SLC25A26: variants seen among roughly 807,000 people sequenced by gnomAD.
The protein encoded by SLC25A26 is mitochondrial S-adenosylmethionine carrier protein.
In SLC25A26, 36 loss-of-function variants were observed where a neutral mutation model predicts 37.8. That is an observed-to-expected ratio of 0.95 (90% confidence interval 0.73 to 1.26). The LOEUF is 1.26. Ranked by LOEUF, SLC25A26 falls within the 50% of genes most tolerant of loss-of-function variation. The probability of loss-of-function intolerance (pLI) is 0.00; values close to 1 mark genes in which losing one functional copy is unlikely to be tolerated. For synonymous variants in SLC25A26, 129 were observed against 122.5 expected (o/e 1.05, Z -0.35); for missense variants, 390 against 331.1 (o/e 1.18, Z -1.38).
At chr3:66,187,937 C>A (rs1356892784) in intron 1 of SLC25A26, among the ~76,000 whole-genome samples, 1 of 152,094 alleles carries the variant, frequency 6.6e-6, no homozygotes, top group Non-Finnish European at 1.5e-5. Flanking sequence ...TTTATTCTCA[C>A]CCTGAACCTA....
At chr3:66,327,117 C>A (rs1448484108) in intron 5 of SLC25A26, among the ~76,000 whole-genome samples, 1 of 152,212 alleles carries the variant, frequency 6.6e-6, no homozygotes, top group Non-Finnish European at 1.5e-5. Flanking sequence ...TTCAGCTGAG[C>A]ATTGGCAACA....
In SLC25A26 at chr3:66,278,122, G is replaced by A. The variant is rs552861617; in HGVS notation, c.453+14743G>A. The stretch of plus-strand genomic sequence containing the variant: ...GGTAGCTGGTTTTGATAAGTGTACT[G>A]TAGTTAATTTATTAACATTAGAGAA... On this transcript the variant is annotated intron_variant, in intron 5 of 9. Coordinates refer to ENST00000354883, the MANE Select transcript of SLC25A26 (RefSeq NM_001379210.1). Among the ~76,000 whole-genome samples the A allele has an allele frequency of 5.9e-5, 9 of 152,196 alleles. No individual in the cohort carries two copies. In the East Asian group the frequency reaches 1.5e-3, roughly 26 times the overall value.
chr3:66,236,918 C>T (rs1206635798), intron 2 of SLC25A26, among the ~76,000 whole-genome samples: 1 of 152,186 alleles, frequency 6.6e-6, no homozygotes, highest in Non-Finnish European at 1.5e-5. Context: ...CTAACTGCAA[C>T]CTTGACCTCC....
intron 5 of SLC25A26, among the ~76,000 whole-genome samples, chr3:66,276,919 C>G (rs1322558053): frequency 1.1e-4 from 17 of 148,048 alleles, no homozygotes; most frequent in Admixed American, 2.7e-4. Context: ...TGGCAAAAAC[C>G]TCAGCATGAA....
chr3:66,342,334 G>A (rs1167504749), intron 5 of SLC25A26, among the ~76,000 whole-genome samples: 2 of 151,844 alleles, frequency 1.3e-5, no homozygotes, highest in African/African-American at 4.8e-5. Flanking sequence ...GCCTTTCTTG[G>A]TCCTTAGGCT....
chr3:66,183,237 C>A (rs2070750994), intron 1 of SLC25A26, among the ~76,000 whole-genome samples: 1 of 151,882 alleles, frequency 6.6e-6, no homozygotes, highest in South Asian at 2.1e-4. Context: ...ATAGCCTCAG[C>A]CTGGCCTGCC....
At chr3:66,351,157 G>T (rs556212033) in intron 6 of SLC25A26, among the ~76,000 whole-genome samples, 1 of 152,256 alleles carries the variant, frequency 6.6e-6, no homozygotes, top group East Asian at 1.9e-4. Context: ...CCCTTGAGGA[G>T]CTGAGAGTCC....
At chr3:66,294,096 T>C (rs532445324) in intron 5 of SLC25A26, among the ~76,000 whole-genome samples, 29 of 152,252 alleles carry the variant, frequency 1.9e-4, no homozygotes, top group African/African-American at 6.5e-4. Context: ...GTTGAATCTA[T>C]TATATAAATT....
intron 5 of SLC25A26, chr3:66,293,339 A>T (rs1179707630): frequency 1.3e-5 from 2 of 151,984 alleles, no homozygotes; most frequent in Non-Finnish European, 2.9e-5. Context: ...TATACACCAA[A>T]CACCCCTTTG....
chr3:66,347,863 A>T (rs1183529395), intron 6 of SLC25A26, among the ~76,000 whole-genome samples: 2 of 152,150 alleles, frequency 1.3e-5, no homozygotes, highest in African/African-American at 2.4e-5. Context: ...TCCTCAGCAA[A>T]CTAATGCAGG....
At chr3:66,352,442 GTTTTTTT>G (rs58389048) in intron 6 of SLC25A26, among the ~76,000 whole-genome samples, 1 of 128,944 alleles carries the variant, frequency 7.8e-6, no homozygotes, top group Non-Finnish European at 1.7e-5. Flanking sequence ...TTTGTTTTTT[GTTTTTTT>G]TTTTGAGATG....
At chr3:66,252,766 G>A (rs190349385) in intron 3 of SLC25A26, among the ~76,000 whole-genome samples, 1 of 152,280 alleles carries the variant, frequency 6.6e-6, no homozygotes, top group Admixed American at 6.5e-5. Context: ...ATTCAAAGAA[G>A]TTTAGTGATG....
chr3:66,341,398 A>T (rs2076206164), intron 5 of SLC25A26, among the ~76,000 whole-genome samples: 2 of 152,170 alleles, frequency 1.3e-5, no homozygotes, highest in African/African-American at 4.8e-5. Flanking sequence ...TTCATTACAA[A>T]ATAGTGTTAT....
At chr3:66,178,986 A>G (rs527789184) in intron 1 of SLC25A26, among the ~76,000 whole-genome samples, 1 of 152,316 alleles carries the variant, frequency 6.6e-6, no homozygotes, top group East Asian at 1.9e-4. Context: ...CAGGAACATG[A>G]GGCTTGCAAG....
At chr3:66,204,123 T>C (rs929262684) in intron 1 of SLC25A26, among the ~76,000 whole-genome samples, 7 of 152,084 alleles carry the variant, frequency 4.6e-5, no homozygotes, top group African/African-American at 1.4e-4. Flanking sequence ...GGAGGAAACT[T>C]GCATGAAAAT....
At chr3:66,307,752 A>G (rs1473565146) in intron 5 of SLC25A26, among the ~76,000 whole-genome samples, 1 of 152,228 alleles carries the variant, frequency 6.6e-6, no homozygotes. Flanking sequence ...TTTATTAAAT[A>G]GGGAATCCTT....
intron 1 of SLC25A26, among the ~76,000 whole-genome samples, chr3:66,150,379 T>A (rs1218116391): frequency 1.3e-5 from 2 of 150,192 alleles, no homozygotes; most frequent in African/African-American, 4.9e-5. Context: ...GCACCTGTAA[T>A]CCCAGCTACT....
chr3:66,201,330 A>T (rs961036965), intron 1 of SLC25A26, among the ~76,000 whole-genome samples: 1 of 151,886 alleles, frequency 6.6e-6, no homozygotes, highest in Non-Finnish European at 1.5e-5. Context: ...GTTTATATAC[A>T]TATGTGTGTA....
chr3:66,175,500 C>G (rs1471854581), intron 1 of SLC25A26, among the ~76,000 whole-genome samples: 1 of 152,124 alleles, frequency 6.6e-6, no homozygotes, highest in Non-Finnish European at 1.5e-5. Context: ...GCTGGGATTA[C>G]AGGCATGAGC....
Sources: gnomAD v4.1 joint callset for allele counts (sites outside exome capture counted in the v4.1 genomes callset) on GRCh38, gnomAD v4.1.1 for gene constraint, MANE v1.5 for transcripts, NCBI Gene and HGNC (gene_info 2026-07-23, HGNC 2026-07-21) for gene names.